Variants in COL4A6 observed in about 807,000 individuals in gnomAD.
COL4A6 encodes collagen type IV alpha 6 chain, also known as collagen alpha-6(IV) chain.
COL4A6 carries 59 observed loss-of-function variants against 126.7 expected under a neutral mutation model. The ratio of observed to expected loss-of-function variants is 0.47; its 90% CI spans 0.38 to 0.58. The LOEUF (loss-of-function observed/expected upper bound fraction) is 0.58, where lower values mean the gene tolerates loss of function less well. Among genes scored for constraint, COL4A6 ranks in the 20% least tolerant of loss-of-function variants. The probability of loss-of-function intolerance (pLI) is 0.00; values close to 1 mark genes in which losing one functional copy is unlikely to be tolerated. For missense variants in COL4A6, 1,285 were observed against 1,337.3 expected (o/e 0.96, Z 0.61); for synonymous variants, 547 against 496.6 (o/e 1.10, Z -1.35).
chrX:108,412,460 A>C (rs1469378377), intron 2 of COL4A6, among the ~76,000 whole-genome samples: 1 of 111,866 alleles, frequency 8.9e-6, no homozygotes, highest in Non-Finnish European at 1.9e-5. Context: ...TAAATCCAAG[A>C]CTGCCATGAA....
intron 2 of COL4A6, among the ~76,000 whole-genome samples, chrX:108,343,134 AATATATATAT>A (rs555568295): frequency 7.2e-5 from 4 of 55,190 alleles, no homozygotes; most frequent in South Asian, 1.7e-3. Context: ...GATTAATGGG[AATATATATAT>A]ATATATATAT....
intron 2 of COL4A6, among the ~76,000 whole-genome samples, chrX:108,397,194 AT>A (rs1432262903): frequency 1.1e-4 from 12 of 111,377 alleles, no homozygotes; most frequent in Non-Finnish European, 1.5e-4. Flanking sequence ...TAAGAACAGT[AT>A]GTTTGTTAAT....
intron 3 of COL4A6, among the ~76,000 whole-genome samples, chrX:108,236,029 A>G (rs181022664): frequency 1.2e-3 from 139 of 111,231 alleles, no homozygotes; most frequent in Non-Finnish European, 2.2e-3. Flanking sequence ...CTCTAGTTTT[A>G]TGAGGATTTT....
intron 3 of COL4A6, among the ~76,000 whole-genome samples, chrX:108,266,899 G>T (rs1022911908): frequency 9.0e-6 from 1 of 111,526 alleles, no homozygotes; most frequent in Non-Finnish European, 1.9e-5. Context: ...TCATCAACTT[G>T]ACTCAACCTC....
rs1333757112 is a variant in COL4A6 at position 108,266,116 on chromosome X, T to C, written c.144+44632A>G. 2.7e-5 allele frequency among the ~76,000 whole-genome samples: 3 copies of C among 111,546 alleles called. No homozygotes were observed. In the East Asian group the frequency reaches 8.5e-4, roughly 32 times the overall value. On this transcript the variant is annotated intron_variant, in intron 3 of 44. Coordinates refer to ENST00000334504, the MANE Select transcript of COL4A6 (RefSeq NM_033641.4). ...GGTTTATTTTGAATGCAAGAAAATATATGAGTGCAGTGGAAAGCTTGAAGT... is the reference window on the plus strand; with the variant it reads ...GGTTTATTTTGAATGCAAGAAAATACATGAGTGCAGTGGAAAGCTTGAAGT...
At chrX:108,304,294 C>T (rs187412691) in intron 3 of COL4A6, among the ~76,000 whole-genome samples, 2 of 112,032 alleles carry the variant, frequency 1.8e-5, no homozygotes, top group East Asian at 5.6e-4. Flanking sequence ...AAGATAACCA[C>T]GAACATCTGC....
chrX:108,190,795 G>A (rs189393564), intron 19 of COL4A6, among the ~76,000 whole-genome samples: 15 of 112,285 alleles, frequency 1.3e-4, no homozygotes, highest in African/African-American at 4.9e-4. Context: ...CAGTCCCAAT[G>A]TCTACCCCAG....
chrX:108,174,525 G>A lies in COL4A6; in HGVS notation c.3053C>T (p.Pro1018Leu). 1 of 1,208,655 alleles carries A rather than the reference G, an allele frequency of 8.3e-7. No homozygotes were observed. Among genetic ancestry groups the A allele is most frequent in the Non-Finnish European group, 1.1e-6 (1 of 893,026 alleles). ...GCCCCGGATTCCCATGAAGCCAGGG[G>A]GCCCTGGCTTTCCACTAACTCCTTT... ...IIKGVSGKPG[P>L]PGFMGIRGLP... The change falls in exon 31 of 45, where the codon CCC becomes CTC. Residue 1018 changes from proline (P) to leucine (L), a missense_variant. Transcript: ENST00000334504.
chrX:108,332,939 GT>G (rs943585171), intron 2 of COL4A6, among the ~76,000 whole-genome samples: 18 of 108,692 alleles, frequency 1.7e-4, no homozygotes, highest in Admixed American at 1.6e-3. Context: ...ATTTTTCCTA[GT>G]TTTTTTTTCT....
At chrX:108,220,302 T>C (rs562245179) in intron 4 of COL4A6, among the ~76,000 whole-genome samples, 3 of 112,136 alleles carry the variant, frequency 2.7e-5, no homozygotes, top group African/African-American at 9.7e-5. Flanking sequence ...GCTATCCCTA[T>C]GTGGCCCTAT....
intron 3 of COL4A6, among the ~76,000 whole-genome samples, chrX:108,298,626 C>T (rs954540046): frequency 1.8e-5 from 2 of 110,682 alleles, no homozygotes; most frequent in Non-Finnish European, 3.8e-5. Flanking sequence ...GATCCCAGGG[C>T]GGGATCAGGT....
chrX:108,237,742 C>T (rs886827394), intron 3 of COL4A6, among the ~76,000 whole-genome samples: 2 of 111,342 alleles, frequency 1.8e-5, no homozygotes, highest in Non-Finnish European at 3.8e-5. Flanking sequence ...CCTTCATCCA[C>T]ATCCCCATTC....
chrX:108,227,080 G>A (rs1402903406), intron 3 of COL4A6, among the ~76,000 whole-genome samples: 1 of 111,567 alleles, frequency 9.0e-6, no homozygotes, highest in African/African-American at 3.3e-5. Context: ...AGCTTTCTAT[G>A]ATTACCCCCA....
Position 108,174,435 on chromosome X carries a change from C to G in COL4A6, c.3138+5G>C. On this transcript the variant is annotated splice_donor_5th_base_variant and intron_variant, in intron 31 of 44. Coordinates refer to ENST00000334504, the MANE Select transcript of COL4A6 (RefSeq NM_033641.4). ...GTATAAAGACAAAGATCTGGTCACA[C>G]TTACACTTTCTCCTGGCATTCCTGG... The G allele has an allele frequency of 8.3e-7, 1 of 1,210,506 alleles. No individual in the cohort carries two copies. Among genetic ancestry groups the G allele is most frequent in the Non-Finnish European group, 1.1e-6 (1 of 894,785 alleles).
intron 2 of COL4A6, among the ~76,000 whole-genome samples, chrX:108,349,940 G>A (rs907466899): frequency 9.0e-6 from 1 of 111,483 alleles, no homozygotes; most frequent in African/African-American, 3.3e-5. Context: ...TGTTTGTTTT[G>A]GTTTTGTCCT....
chrX:108,181,639 G>T (rs939908155), intron 23 of COL4A6, among the ~76,000 whole-genome samples: 8 of 111,991 alleles, frequency 7.1e-5, no homozygotes, highest in East Asian at 2.8e-4. Flanking sequence ...CAACTCTGCT[G>T]CTCAAGGAGA....
At chrX:108,210,124 A>G in intron 7 of COL4A6, 120 bp from the exon 8 acceptor site, 1 of 651,821 alleles carries the variant, frequency 1.5e-6, no homozygotes, top group African/African-American at 2.2e-5. Context: ...CTCCTCTGTC[A>G]AAGTCTTGTG....
At chrX:108,326,231 A>C (rs138462984) in intron 2 of COL4A6, among the ~76,000 whole-genome samples, 1,980 of 112,499 alleles carry the variant, frequency 0.018, 25 homozygotes, top group Admixed American at 0.06. Flanking sequence ...GATATACAAA[A>C]ATTAGTTGCA....
chrX:108,186,809 A>G (rs1185300022), intron 23 of COL4A6, among the ~76,000 whole-genome samples: 1 of 110,716 alleles, frequency 9.0e-6, no homozygotes, highest in Admixed American at 9.6e-5. Context: ...GAACTCTCCC[A>G]GGGATTATGA....
Sources: gnomAD v4.1 joint callset for allele counts (sites outside exome capture counted in the v4.1 genomes callset) on GRCh38, gnomAD v4.1.1 for gene constraint, MANE v1.5 for transcripts, NCBI Gene and HGNC (gene_info 2026-07-23, HGNC 2026-07-21) for gene names.